PAMR1: variants seen among roughly 807,000 people sequenced by gnomAD.
PAMR1 encodes peptidase domain containing associated with muscle regeneration 1, also known as inactive serine protease PAMR1.
In PAMR1, 88 loss-of-function variants were observed where a neutral mutation model predicts 81.8. The observed-to-expected ratio is 1.08, with a 90% CI of 0.91 to 1.28. The LOEUF (loss-of-function observed/expected upper bound fraction) is 1.28, where lower values mean the gene tolerates loss of function less well. Among genes scored for constraint, PAMR1 ranks in the 50% most tolerant of loss-of-function variants. PAMR1 has a pLI of 0.00. For synonymous variants in PAMR1, 336 were observed against 345.3 expected (o/e 0.97, Z 0.30); for missense variants, 935 against 919.7 (o/e 1.02, Z -0.21).
intron 5 of PAMR1, among the ~76,000 whole-genome samples, chr11:35,469,033 A>T (rs375929041): frequency 6.6e-6 from 1 of 152,212 alleles, no homozygotes; most frequent in East Asian, 1.9e-4. Context: ...CTTGAAGCAT[A>T]ATATAGTTAG....
intron 7 of PAMR1, among the ~76,000 whole-genome samples, chr11:35,440,475 T>C (rs1397262045): frequency 6.6e-6 from 1 of 152,170 alleles, no homozygotes; most frequent in Admixed American, 6.5e-5. Flanking sequence ...TCCCTTTCAT[T>C]CCTTTTCCCA....
At chr11:35,448,452 A>C (rs1850368) in intron 6 of PAMR1, among the ~76,000 whole-genome samples, 42,707 of 151,814 alleles carry the variant, frequency 0.28, 6,096 homozygotes, top group Admixed American at 0.34. Context: ...TTGTGGTTGC[A>C]TTGTGAAGTT....
At chr11:35,474,311 C>A (rs1212788020) in intron 4 of PAMR1, among the ~76,000 whole-genome samples, 1 of 152,210 alleles carries the variant, frequency 6.6e-6, no homozygotes, top group Admixed American at 6.5e-5. Context: ...CTTTACATCC[C>A]TCCCATAGGA....
chr11:35,486,506 C>T (rs114281362), intron 3 of PAMR1, among the ~76,000 whole-genome samples: 1,818 of 152,284 alleles, frequency 0.012, 25 homozygotes, highest in African/African-American at 0.041. Context: ...GATTAATGCA[C>T]GAAGGTGTGA....
chr11:35,488,367 C>A (rs1033077405), intron 3 of PAMR1, among the ~76,000 whole-genome samples: 4 of 151,962 alleles, frequency 2.6e-5, no homozygotes, highest in Admixed American at 6.6e-5. Flanking sequence ...TACAGGCATG[C>A]ACCACCATGC....
At chr11:35,449,609 C>T (rs75882309) in intron 6 of PAMR1, among the ~76,000 whole-genome samples, 3,112 of 152,320 alleles carry the variant, frequency 0.02, 83 homozygotes, top group Admixed American at 0.068. Flanking sequence ...GTGATGGCTG[C>T]CTCCCCTCCC....
In PAMR1 at chr11:35,468,676, C is replaced by T. The variant is rs562981056; in HGVS notation, c.713-568G>A. 3.3e-5 allele frequency among the ~76,000 whole-genome samples: 5 copies of T among 151,944 alleles called. No individual in the cohort carries two copies. In the South Asian group the frequency reaches 1.0e-3, roughly 31 times the overall value. ...GTTGCTGACATTCAATGCTAATTAACCAGATTTCTTTACTGCAGAACTTCT... is the reference window on the plus strand; with the variant it reads ...GTTGCTGACATTCAATGCTAATTAATCAGATTTCTTTACTGCAGAACTTCT... On this transcript the variant is annotated intron_variant, in intron 5 of 10. Coordinates refer to ENST00000619888, the MANE Select transcript of PAMR1 (RefSeq NM_001001991.3).
chr11:35,434,396 C>T, intron 10 of PAMR1, 116 bp downstream of exon 10: 2 of 964,382 alleles, frequency 2.1e-6, no homozygotes, highest in Non-Finnish European at 3.2e-6. Context: ...ATATGCGAGG[C>T]TCTGGGCTGG....
At chr11:35,524,463 A>C (rs1320618123) in intron 1 of PAMR1, among the ~76,000 whole-genome samples, 1 of 152,012 alleles carries the variant, frequency 6.6e-6, no homozygotes, top group African/African-American at 2.4e-5. Context: ...TATCCTCCCC[A>C]CCCGACCTGG....
intron 3 of PAMR1, among the ~76,000 whole-genome samples, chr11:35,484,593 C>T (rs1850464200): frequency 6.6e-6 from 1 of 152,252 alleles, no homozygotes; most frequent in Non-Finnish European, 1.5e-5. Context: ...TCCGATAACT[C>T]ACCCTACAAA....
chr11:35,514,251 C>T (rs571283863), intron 1 of PAMR1, among the ~76,000 whole-genome samples: 33 of 152,332 alleles, frequency 2.2e-4, no homozygotes, highest in African/African-American at 7.9e-4. Flanking sequence ...ATTTGTCAGA[C>T]ATTACCATTA....
intron 3 of PAMR1, among the ~76,000 whole-genome samples, chr11:35,480,118 G>A (rs75394292): frequency 0.035 from 5,288 of 152,244 alleles, 145 homozygotes; most frequent in Middle Eastern, 0.051. Context: ...TTATACCTCT[G>A]CCTCCGCCAA....
Position 35,491,937 on chromosome 11 carries a change from G to A in PAMR1, c.379+108C>T. 4 of 998,818 alleles carry A rather than the reference G, an allele frequency of 4.0e-6. No homozygotes were observed. The South Asian group carries it at 8.5e-5, about 21-fold the overall frequency. 61.9% of individuals were successfully genotyped at this position (998,818 alleles called of 1,614,324 possible). On this transcript the variant is annotated intron_variant, in intron 3 of 10. Transcript: ENST00000619888. ...GTTTTACCTAGAAAGCCCTCTGGCT[G>A]CAGGCTTTCCAAAACTCAGATTCCA...
At chr11:35,435,754 A>T (rs908874880) in intron 9 of PAMR1, 149 bp downstream of exon 9, 1 of 600,950 alleles carries the variant, frequency 1.7e-6, no homozygotes, top group Non-Finnish European at 2.9e-6. Flanking sequence ...AAGCCAAAGG[A>T]AAAAAAAAGC....
chr11:35,463,085 G>A (rs1169906105), intron 6 of PAMR1, among the ~76,000 whole-genome samples: 7 of 152,118 alleles, frequency 4.6e-5, no homozygotes, highest in Non-Finnish European at 1.0e-4. Context: ...ACCCACTAGG[G>A]GTCTCAGTAC....
intron 1 of PAMR1, among the ~76,000 whole-genome samples, chr11:35,507,275 G>A (rs1030203793): frequency 5.9e-5 from 9 of 152,006 alleles, no homozygotes; most frequent in East Asian, 3.9e-4. Context: ...TTGAACTCCC[G>A]ACCTCAGGTG....
At chr11:35,484,040 A>C (rs1320286693) in intron 3 of PAMR1, among the ~76,000 whole-genome samples, 2 of 152,182 alleles carry the variant, frequency 1.3e-5, no homozygotes, top group Non-Finnish European at 2.9e-5. Context: ...CAACTAACAA[A>C]TAGAGCTCAT....
At chr11:35,513,760 G>C (rs1445890921) in intron 1 of PAMR1, among the ~76,000 whole-genome samples, 1 of 152,142 alleles carries the variant, frequency 6.6e-6, no homozygotes, top group Non-Finnish European at 1.5e-5. Flanking sequence ...AAACTACCTG[G>C]GATGCTTGCT....
At chr11:35,492,228 C>A in intron 2 of PAMR1, 55 bp from the exon 3 acceptor site, 1 of 1,598,910 alleles carries the variant, frequency 6.3e-7, no homozygotes, top group Non-Finnish European at 8.5e-7. Flanking sequence ...GAGTTCTGAT[C>A]AGCTGCATGG....
Sources: gnomAD v4.1 joint callset for allele counts (sites outside exome capture counted in the v4.1 genomes callset) on GRCh38, gnomAD v4.1.1 for gene constraint, MANE v1.5 for transcripts, NCBI Gene and HGNC (gene_info 2026-07-23, HGNC 2026-07-21) for gene names.